The following CHST9 variants were observed in gnomAD, a reference collection of about 807,000 sequenced individuals.
CHST9 encodes GalNAc-4-sulfotransferase 2.
A neutral mutation model predicts 44.4 loss-of-function variants in CHST9; 41 were observed. The observed-to-expected ratio is 0.92, with a 90% CI of 0.72 to 1.20. The LOEUF (loss-of-function observed/expected upper bound fraction) is 1.20, where lower values mean the gene tolerates loss of function less well. Ranked by LOEUF, CHST9 falls within the 50% of genes most tolerant of loss-of-function variation. The pLI is 0.00. For synonymous variants in CHST9, 171 were observed against 178.4 expected (o/e 0.96, Z 0.33); for missense variants, 504 against 516.5 (o/e 0.98, Z 0.23).
chr18:26,999,541 C>T (rs1240391813), intron 4 of CHST9, among the ~76,000 whole-genome samples: 1 of 151,484 alleles, frequency 6.6e-6, no homozygotes, highest in East Asian at 1.9e-4. Flanking sequence ...AATGCATTTC[C>T]AAAAGTAATT....
At chr18:27,002,278 C>T (rs2056963334) in intron 4 of CHST9, among the ~76,000 whole-genome samples, 1 of 151,868 alleles carries the variant, frequency 6.6e-6, no homozygotes, top group South Asian at 2.1e-4. Context: ...AATAGCCTTG[C>T]TATTTCCTTT....
intron 2 of CHST9, among the ~76,000 whole-genome samples, chr18:27,055,471 A>G (rs1045651813): frequency 6.6e-6 from 1 of 152,158 alleles, no homozygotes; most frequent in African/African-American, 2.4e-5. Context: ...AAATGCTTCA[A>G]ATGCTTCCTT....
intron 1 of CHST9, among the ~76,000 whole-genome samples, chr18:27,182,672 G>A (rs1425589380): frequency 6.6e-6 from 1 of 152,072 alleles, no homozygotes; most frequent in Non-Finnish European, 1.5e-5. Flanking sequence ...TCTTGGATAG[G>A]GAACTGAATA....
chr18:27,008,168 T>C (rs541612131), intron 4 of CHST9, among the ~76,000 whole-genome samples: 1 of 152,222 alleles, frequency 6.6e-6, no homozygotes, highest in South Asian at 2.1e-4. Context: ...GAGCAAAGCA[T>C]ATTGGTGTAT....
intron 2 of CHST9, among the ~76,000 whole-genome samples, chr18:27,130,992 G>T (rs1261449897): frequency 6.6e-6 from 1 of 152,114 alleles, no homozygotes; most frequent in Non-Finnish European, 1.5e-5. Context: ...AGGCAAGAAA[G>T]AAGGTACGAA....
At chr18:27,180,735 A>C (rs2058905526) in intron 1 of CHST9, among the ~76,000 whole-genome samples, 1 of 152,204 alleles carries the variant, frequency 6.6e-6, no homozygotes, top group Non-Finnish European at 1.5e-5. Flanking sequence ...CTGCAACTGT[A>C]AAATGAGGAC....
At chr18:27,097,933 C>A (rs1008215822) in intron 2 of CHST9, among the ~76,000 whole-genome samples, 1 of 151,630 alleles carries the variant, frequency 6.6e-6, no homozygotes, top group Non-Finnish European at 1.5e-5. Context: ...TTCTGTTCCA[C>A]TGGTCTATAT....
intron 4 of CHST9, among the ~76,000 whole-genome samples, chr18:26,946,454 AC>A (rs1416741451): frequency 1.3e-5 from 2 of 152,198 alleles, no homozygotes; most frequent in African/African-American, 4.8e-5. Context: ...GAGAGAGGCT[AC>A]ACAGATAGGC....
chr18:26,967,818 A>G (rs571804236), intron 4 of CHST9, among the ~76,000 whole-genome samples: 1 of 152,328 alleles, frequency 6.6e-6, no homozygotes, highest in South Asian at 2.1e-4. Context: ...GGGTGGACAC[A>G]ATCTAATCAG....
intron 2 of CHST9, among the ~76,000 whole-genome samples, chr18:27,084,603 T>C: frequency 6.6e-6 from 1 of 151,928 alleles, no homozygotes; most frequent in East Asian, 1.9e-4. Context: ...AAAACAATTT[T>C]TGGTCTCATT....
intron 2 of CHST9, among the ~76,000 whole-genome samples, chr18:27,088,455 C>A (rs570862694): frequency 5.8e-4 from 86 of 148,526 alleles, no homozygotes; most frequent in Non-Finnish European, 8.7e-4. Flanking sequence ...AGTGCAGTGG[C>A]GCGATCTCGG....
chr18:26,951,469 A>G (rs1168688492), intron 4 of CHST9, among the ~76,000 whole-genome samples: 2 of 152,186 alleles, frequency 1.3e-5, no homozygotes, highest in Non-Finnish European at 2.9e-5. Flanking sequence ...ATGCCAACAC[A>G]CAGGAAAAAA....
chr18:27,070,806 C>T (rs1263018501), intron 2 of CHST9, among the ~76,000 whole-genome samples: 2 of 152,162 alleles, frequency 1.3e-5, no homozygotes, highest in African/African-American at 4.8e-5. Context: ...TTATTCACAC[C>T]CTTATCCTAC....
At chr18:26,974,511 T>C (rs2056592728) in intron 4 of CHST9, among the ~76,000 whole-genome samples, 1 of 152,248 alleles carries the variant, frequency 6.6e-6, no homozygotes, top group African/African-American at 2.4e-5. Flanking sequence ...TATCAGTGAC[T>C]TTAGCTTTAG....
At chr18:27,004,503 A>G (rs1348788883) in intron 4 of CHST9, among the ~76,000 whole-genome samples, 2 of 152,164 alleles carry the variant, frequency 1.3e-5, no homozygotes, top group Admixed American at 6.5e-5. Flanking sequence ...ACAATAATCC[A>G]TCAAGAGAGG....
intron 5 of CHST9, among the ~76,000 whole-genome samples, chr18:26,932,820 T>C (rs781410465): frequency 1.3e-5 from 2 of 152,244 alleles, no homozygotes; most frequent in African/African-American, 2.4e-5. Flanking sequence ...AAGTCAAGTT[T>C]CCATATTCTA....
intron 4 of CHST9, among the ~76,000 whole-genome samples, chr18:26,990,495 TTA>T (rs1190820942): frequency 6.6e-6 from 1 of 152,180 alleles, no homozygotes; most frequent in Non-Finnish European, 1.5e-5. Flanking sequence ...GCTTTAAAAG[TTA>T]TATGTGTTTC....
At chr18:26,958,414 C>T (rs947213137) in intron 4 of CHST9, among the ~76,000 whole-genome samples, 2 of 150,422 alleles carry the variant, frequency 1.3e-5, no homozygotes, top group African/African-American at 2.5e-5. Flanking sequence ...TTCTAGACAT[C>T]AGCTCTGGGA....
Position 26,916,764 on chromosome 18 carries a change from G to C in CHST9, c.827C>G (p.Ala276Gly), listed in dbSNP as rs2055534249. ...TTCCATGGGATCACGAACAAACACA[G>C]CTTTGGTGTAAGTATTTAAGCGGGT... is the stretch of plus-strand genomic sequence containing the variant. Reference protein sequence around the residue: ...IYTRLNTYTKAVFVRDPMERL... With the variant: ...IYTRLNTYTKGVFVRDPMERL... The change falls in exon 6 of 6, where the codon GCT becomes GGT. Residue 276 changes from alanine (A) to glycine (G), a missense_variant. Coordinates refer to ENST00000618847, the MANE Select transcript of CHST9 (RefSeq NM_031422.6). The C allele has an allele frequency of 6.2e-7, 1 of 1,613,758 alleles. No individual in the cohort carries two copies. The highest frequency in any genetic ancestry group is 1.3e-5 in the African/African-American group (1 of 74,920).
Sources: allele counts gnomAD v4.1 joint callset (sites outside exome capture counted in the v4.1 genomes callset), GRCh38; gene constraint gnomAD v4.1.1; transcripts MANE v1.5; gene names NCBI Gene and HGNC (gene_info 2026-07-23, HGNC 2026-07-21).